DACH2: variants seen among roughly 807,000 people sequenced by gnomAD.
The protein encoded by DACH2 is dachshund family transcription factor 2.
In DACH2, 17 loss-of-function variants were observed where a neutral mutation model predicts 35.8. That is an observed-to-expected ratio of 0.48 (90% CI 0.33 to 0.71). The LOEUF is 0.71. Ranked by LOEUF, DACH2 falls within the 30% of genes least tolerant of loss-of-function variation. The probability of loss-of-function intolerance (pLI) is 0.02; values close to 1 mark genes in which losing one functional copy is unlikely to be tolerated. For synonymous variants in DACH2, 195 were observed against 177.3 expected (o/e 1.10, Z -0.79); for missense variants, 469 against 472.7 (o/e 0.99, Z 0.07).
At chrX:86,529,022 C>T (rs988377307) in intron 3 of DACH2, among the ~76,000 whole-genome samples, 1 of 111,579 alleles carries the variant, frequency 9.0e-6, no homozygotes, top group African/African-American at 3.3e-5. Context: ...CCCTATTCTG[C>T]TATTGAACAT....
At chrX:86,315,492 AT>A (rs1569344971) in intron 1 of DACH2, among the ~76,000 whole-genome samples, 1 of 111,605 alleles carries the variant, frequency 9.0e-6, no homozygotes, top group African/African-American at 3.3e-5. Flanking sequence ...TAAGGAATAC[AT>A]TTTGTAAGGC....
intron 1 of DACH2, among the ~76,000 whole-genome samples, chrX:86,230,223 G>A (rs1003444114): frequency 1.8e-5 from 2 of 110,896 alleles, no homozygotes; most frequent in Admixed American, 9.6e-5. Context: ...AGATGATCAC[G>A]TGATTTTTGT....
intron 3 of DACH2, among the ~76,000 whole-genome samples, chrX:86,585,902 G>A (rs960388283): frequency 6.3e-5 from 7 of 111,291 alleles, no homozygotes; most frequent in Non-Finnish European, 1.1e-4. Flanking sequence ...ATGGTAGAAT[G>A]ATTTATATTC....
At chrX:86,738,514 A>T (rs1357397241) in intron 6 of DACH2, among the ~76,000 whole-genome samples, 1 of 111,948 alleles carries the variant, frequency 8.9e-6, no homozygotes, top group East Asian at 2.8e-4. Context: ...ATTATGGATG[A>T]ATTAAATATT....
chrX:86,274,675 T>G (rs938186011), intron 1 of DACH2, among the ~76,000 whole-genome samples: 1 of 108,116 alleles, frequency 9.2e-6, no homozygotes, highest in African/African-American at 3.4e-5. Context: ...TGTTTTTGTA[T>G]TTTTAGTAGA....
intron 2 of DACH2, among the ~76,000 whole-genome samples, chrX:86,424,061 G>T (rs749918950): frequency 9.0e-6 from 1 of 110,911 alleles, no homozygotes; most frequent in East Asian, 2.9e-4. Flanking sequence ...TTTTATGCCA[G>T]TACCATCTTG....
At chrX:86,502,710 C>A (rs186184374) in intron 2 of DACH2, among the ~76,000 whole-genome samples, 241 of 111,926 alleles carry the variant, frequency 2.2e-3, no homozygotes, top group African/African-American at 7.2e-3. Flanking sequence ...TCCCTCAAAG[C>A]AGAAAATAGA....
rs917589683 is a variant in DACH2, at chrX:86,706,494, T to C, written c.932-8054T>C. Among the ~76,000 whole-genome samples, 17 of 110,889 alleles carry C rather than the reference T, an allele frequency of 1.5e-4. No individual in the cohort carries two copies. The East Asian group carries it at 4.2e-3, about 28-fold the overall frequency. On this transcript the variant is annotated intron_variant, in intron 5 of 11. Transcript: ENST00000373125. ...GCAAACACTAAAAAACATTAAGAGT[T>C]TTAATAGTTTAATTTTTAAAATATT...
intron 4 of DACH2, among the ~76,000 whole-genome samples, chrX:86,673,335 CAAAAAAA>C (rs56877612): frequency 2.3e-5 from 1 of 43,197 alleles, no homozygotes; most frequent in Non-Finnish European, 3.8e-5. Context: ...GACTCCGTCT[CAAAAAAA>C]AAAAAAAAAA....
intron 3 of DACH2, among the ~76,000 whole-genome samples, chrX:86,545,043 C>T (rs998881586): frequency 1.9e-4 from 21 of 111,833 alleles, no homozygotes; most frequent in Admixed American, 6.7e-4. Context: ...GATCCACCCA[C>T]CTGGGACTCC....
At chrX:86,260,775 T>G (rs1483539569) in intron 1 of DACH2, among the ~76,000 whole-genome samples, 8 of 104,765 alleles carry the variant, frequency 7.6e-5, no homozygotes, top group African/African-American at 2.9e-4. Flanking sequence ...ATACATGGCT[T>G]GCTCTGGAGA....
intron 7 of DACH2, chrX:86,799,166 C>T (rs751954747): frequency 9.8e-5 from 28 of 286,526 alleles, no homozygotes; most frequent in African/African-American, 6.2e-4. Context: ...TCTTGGTTCT[C>T]GCACTGATCC....
At chrX:86,516,476 T>G (rs1012806783) in intron 3 of DACH2, among the ~76,000 whole-genome samples, 5 of 111,786 alleles carry the variant, frequency 4.5e-5, no homozygotes, top group Non-Finnish European at 3.8e-5. Context: ...TATACTTCAT[T>G]TAATCTTCAT....
intron 2 of DACH2, among the ~76,000 whole-genome samples, chrX:86,467,759 C>T (rs1205247716): frequency 9.0e-6 from 1 of 111,679 alleles, no homozygotes; most frequent in Non-Finnish European, 1.9e-5. Flanking sequence ...CTGGGGAGGC[C>T]TCAGGAAACA....
intron 1 of DACH2, among the ~76,000 whole-genome samples, chrX:86,292,806 T>G (rs1279706612): frequency 9.0e-6 from 1 of 111,329 alleles, no homozygotes; most frequent in African/African-American, 3.3e-5. Flanking sequence ...TGTTATAATT[T>G]CTATTCTTTT....
At chrX:86,246,856 A>G (rs935892404) in intron 1 of DACH2, among the ~76,000 whole-genome samples, 22 of 111,774 alleles carry the variant, frequency 2.0e-4, no homozygotes, top group Non-Finnish European at 1.9e-5. Flanking sequence ...AACAGGCTAA[A>G]CACCCTACTT....
chrX:86,295,469 C>G (rs1200703793), intron 1 of DACH2, among the ~76,000 whole-genome samples: 2 of 111,671 alleles, frequency 1.8e-5, no homozygotes, highest in Non-Finnish European at 3.8e-5. Flanking sequence ...CTCTCTGGGC[C>G]CAGTTTAACA....
At chrX:86,533,559 G>A (rs914855782) in intron 3 of DACH2, among the ~76,000 whole-genome samples, 1 of 111,514 alleles carries the variant, frequency 9.0e-6, no homozygotes, top group Admixed American at 9.6e-5. Context: ...GATTTATGAA[G>A]GTAAGCAAAA....
At chrX:86,574,866 G>A (rs868142901) in intron 3 of DACH2, among the ~76,000 whole-genome samples, 7 of 111,389 alleles carry the variant, frequency 6.3e-5, no homozygotes, top group African/African-American at 3.3e-5. Flanking sequence ...AGATGTGTAC[G>A]TTAGTTATTC....
Sources: gnomAD v4.1 joint callset for allele counts (sites outside exome capture counted in the v4.1 genomes callset) on GRCh38, gnomAD v4.1.1 for gene constraint, MANE v1.5 for transcripts, NCBI Gene and HGNC (gene_info 2026-07-23, HGNC 2026-07-21) for gene names.